The following TRIO variants were observed in gnomAD, a reference collection of about 807,000 sequenced individuals.
TRIO encodes trio Rho guanine nucleotide exchange factor.
Under a neutral mutation model 351.9 loss-of-function variants are expected in TRIO, and 58 were observed. The observed-to-expected ratio is 0.16, with a 90% CI of 0.13 to 0.21. The LOEUF is 0.21. TRIO is among the 10% of genes least tolerant of loss of function. The pLI, the probability that TRIO is intolerant of heterozygous loss-of-function variation, is 1.00. For synonymous variants in TRIO, 1,758 were observed against 1,595.7 expected (o/e 1.10, Z -2.42); for missense variants, 3,201 against 4,027.8 (o/e 0.79, Z 5.56).
intron 3 of TRIO, among the ~76,000 whole-genome samples, chr5:14,282,823 T>C (rs1736121101): frequency 6.6e-6 from 1 of 152,170 alleles, no homozygotes; most frequent in South Asian, 2.1e-4. Context: ...TAGGTTTGCG[T>C]TTGCATTAAC....
At chr5:14,423,031 G>A (rs1354200043) in intron 34 of TRIO, among the ~76,000 whole-genome samples, 2 of 152,174 alleles carry the variant, frequency 1.3e-5, no homozygotes, top group Admixed American at 6.5e-5. Flanking sequence ...CCTTTGGGCC[G>A]GCCAGCCTTC....
At position 14,462,859 on chromosome 5, in the gene TRIO, G is replaced by A; in HGVS notation, c.5601G>A (p.Val1867=). Residue 1867 remains valine (V), a synonymous_variant, in exon 36 of 57, where the codon GTG becomes GTA. Transcript: ENST00000344204. ...AAGGCGAGGAGGGGGCCGACGCCGTGCCCCTGCCGCCACCCATGGCCATCC... is the reference window on the plus strand; with the variant it reads ...AAGGCGAGGAGGGGGCCGACGCCGTACCCCTGCCGCCACCCATGGCCATCC... ...EEEGEEGADA[V]PLPPPMAIQQ... is the part of the protein sequence containing the mutation. 1 of 1,612,880 alleles carries A rather than the reference G, an allele frequency of 6.2e-7. No individual in the cohort carries two copies. Among genetic ancestry groups the A allele is most frequent in the Non-Finnish European group, 8.5e-7 (1 of 1,179,456 alleles).
At chr5:14,486,027 C>T (rs893259452) in intron 47 of TRIO, among the ~76,000 whole-genome samples, 12 of 152,148 alleles carry the variant, frequency 7.9e-5, no homozygotes, top group Admixed American at 7.8e-4. Flanking sequence ...TTCCCTGCTT[C>T]CGTGACTTGA....
At chr5:14,405,059 GA>G (rs369742532) in intron 31 of TRIO, among the ~76,000 whole-genome samples, 1,725 of 107,310 alleles carry the variant, frequency 0.016, 22 homozygotes, top group African/African-American at 0.054. Context: ...CATGCAGAAA[GA>G]AAAAAAAAAC....
chr5:14,469,699 G>T (rs1754538506), intron 37 of TRIO, among the ~76,000 whole-genome samples: 2 of 152,238 alleles, frequency 1.3e-5, no homozygotes, highest in African/African-American at 4.8e-5. Context: ...CCGCTTCAGG[G>T]TGTGTGCACC....
At chr5:14,308,966 G>A (rs1435266455) in intron 8 of TRIO, among the ~76,000 whole-genome samples, 1 of 151,146 alleles carries the variant, frequency 6.6e-6, no homozygotes, top group East Asian at 2.0e-4. Context: ...CATACACCCA[G>A]TCACCCAACT....
intron 1 of TRIO, among the ~76,000 whole-genome samples, chr5:14,158,350 G>T (rs530102974): frequency 2.6e-5 from 4 of 151,834 alleles, no homozygotes; most frequent in African/African-American, 9.7e-5. Flanking sequence ...GCTTGAACCC[G>T]GGAGGCAGAG....
intron 15 of TRIO, among the ~76,000 whole-genome samples, 165 bp downstream of exon 15, chr5:14,364,981 C>T (rs1289842779): frequency 7.2e-5 from 11 of 152,196 alleles, no homozygotes; most frequent in Admixed American, 5.2e-4. Context: ...CCCCGCCCCC[C>T]GATTACAGCC....
chr5:14,154,842 T>A (rs1474145875), intron 1 of TRIO, among the ~76,000 whole-genome samples: 2 of 152,220 alleles, frequency 1.3e-5, no homozygotes, highest in African/African-American at 4.8e-5. Context: ...TACCAGTCAC[T>A]TCCTCCTAGT....
At chr5:14,431,643 TC>T (rs1014994497) in intron 34 of TRIO, among the ~76,000 whole-genome samples, 30 of 152,288 alleles carry the variant, frequency 2.0e-4, no homozygotes, top group African/African-American at 6.7e-4. Context: ...AACATTTAGA[TC>T]ATTTCAGTCC....
intron 34 of TRIO, among the ~76,000 whole-genome samples, chr5:14,456,583 G>A (rs1287938576): frequency 2.0e-5 from 3 of 152,226 alleles, no homozygotes; most frequent in Non-Finnish European, 1.5e-5. Context: ...GTGGGTGTCT[G>A]GGCAGGGGGT....
In TRIO at chr5:14,482,638, C is replaced by A; in HGVS notation, c.6522C>A (p.Asp2174Glu). The A allele has an allele frequency of 6.3e-7, 1 of 1,599,388 alleles. No individual in the cohort carries two copies. The highest frequency in any genetic ancestry group is 8.5e-7 in the Non-Finnish European group (1 of 1,170,624). The change falls in exon 46 of 57, where the codon GAC becomes GAA. Residue 2174 changes from aspartate (D) to glutamate (E), a missense_variant. This residue lies in a region of TRIO where 1,089 missense variants were observed against 954.9 expected (regional missense o/e 1.14). Coordinates refer to ENST00000344204, the MANE Select transcript of TRIO (RefSeq NM_007118.4). ...LLLQDTFLVT[D>E]QDAGLLPRCR... ...TGCAGGACACATTCTTGGTCACAGACCAAGATGCAGGACTTCTGCCTCGCT... is the reference window on the plus strand; with the variant it reads ...TGCAGGACACATTCTTGGTCACAGAACAAGATGCAGGACTTCTGCCTCGCT...
chr5:14,152,519 G>A (rs550367102), intron 1 of TRIO, among the ~76,000 whole-genome samples: 38 of 152,208 alleles, frequency 2.5e-4, no homozygotes, highest in South Asian at 1.5e-3. Flanking sequence ...ACAGGCGCCC[G>A]CCACCATGCC....
intron 1 of TRIO, among the ~76,000 whole-genome samples, chr5:14,196,604 C>T (rs945477160): frequency 1.3e-5 from 2 of 152,102 alleles, no homozygotes; most frequent in Non-Finnish European, 2.9e-5. Context: ...AATCATTATT[C>T]TACCTTCAGA....
intron 43 of TRIO, among the ~76,000 whole-genome samples, chr5:14,480,724 G>A (rs1473441111): frequency 6.6e-6 from 1 of 152,214 alleles, no homozygotes; most frequent in African/African-American, 2.4e-5. Context: ...GTCTGACTCT[G>A]TGTACTGCAG....
At chr5:14,281,418 G>A (rs966101529) in intron 3 of TRIO, among the ~76,000 whole-genome samples, 1 of 114,430 alleles carries the variant, frequency 8.7e-6, no homozygotes, top group African/African-American at 3.4e-5. Flanking sequence ...GTGCTAAGCC[G>A]TTAGAACCCC....
In TRIO at chr5:14,488,237, G is replaced by T. The variant is rs763589608; in HGVS notation, c.7609G>T (p.Val2537Leu). The change falls in exon 48 of 57, where the codon GTG becomes TTG. Residue 2537 changes from valine to leucine, a missense_variant. By Grantham distance (32) the Val-to-Leu change is conservative. Transcript: ENST00000344204. ...GTGCTCCTCGGCCAGCGAGCAGTCC[G>T]TGCAGTCCACCCAGAGCAACGGGGT... ...STCSSASEQS[V>L]QSTQSNGSES... 266 of 1,582,578 alleles carry T rather than the reference G, an allele frequency of 1.7e-4. No individual in the cohort carries two copies. Among genetic ancestry groups the T allele is most frequent in the Non-Finnish European group, 2.1e-4 (248 of 1,172,036 alleles).
At chr5:14,479,852 A>G (rs1755383311) in intron 42 of TRIO, 67 bp from the exon 43 acceptor site, 1 of 1,455,666 alleles carries the variant, frequency 6.9e-7, no homozygotes, top group Admixed American at 1.8e-5. Context: ...TCTGACAATT[A>G]CAAAGACTAA....
chr5:14,228,789 T>G (rs1261525127), intron 1 of TRIO, among the ~76,000 whole-genome samples: 4 of 152,088 alleles, frequency 2.6e-5, no homozygotes, highest in Non-Finnish European at 5.9e-5. Context: ...GAGAATCGCT[T>G]GAACCCGAGA....
Sources: gnomAD v4.1 joint callset for allele counts (sites outside exome capture counted in the v4.1 genomes callset) on GRCh38, gnomAD v4.1.1 for gene constraint, gnomAD v4.1.1 regional missense constraint, MANE v1.5 for transcripts, NCBI Gene and HGNC (gene_info 2026-07-23, HGNC 2026-07-21) for gene names.